The following CNTN6 variants were observed in gnomAD, a reference collection of about 807,000 sequenced individuals.
CNTN6 encodes the protein contactin-6.
In CNTN6, 137 loss-of-function variants were observed where a neutral mutation model predicts 122.8. The ratio of observed to expected loss-of-function variants is 1.12; its 90% CI spans 0.97 to 1.29. CNTN6 has a LOEUF of 1.29. Among genes scored for constraint, CNTN6 ranks in the 50% most tolerant of loss-of-function variants. CNTN6 has a pLI of 0.00. For missense variants in CNTN6, 1,634 were observed against 1,223.4 expected (o/e 1.34, Z -5.01); for synonymous variants, 570 against 426.0 (o/e 1.34, Z -4.16).
intron 1 of CNTN6, among the ~76,000 whole-genome samples, chr3:1,109,737 T>G (rs192226929): frequency 6.6e-6 from 1 of 152,184 alleles, no homozygotes; most frequent in East Asian, 1.9e-4. Flanking sequence ...TCTTCTGAGA[T>G]CCATCTGAAC....
At chr3:1,358,788 A>T (rs1423817029) in intron 12 of CNTN6, among the ~76,000 whole-genome samples, 1 of 152,004 alleles carries the variant, frequency 6.6e-6, no homozygotes, top group Non-Finnish European at 1.5e-5. Context: ...ACAAAACTAC[A>T]GGCTGGGTGT....
intron 12 of CNTN6, among the ~76,000 whole-genome samples, chr3:1,369,556 T>C (rs1002275185): frequency 2.0e-5 from 3 of 152,196 alleles, no homozygotes; most frequent in Non-Finnish European, 4.4e-5. Context: ...CTTTCATCAT[T>C]ATTACTGTAC....
rs191852161 is a variant in CNTN6, at chr3:1,195,612, G to C, written c.56-25075G>C. Among the ~76,000 whole-genome samples, 5 of 152,034 alleles carry C rather than the reference G, an allele frequency of 3.3e-5. No homozygotes were observed. In the East Asian group the frequency reaches 9.7e-4, roughly 29 times the overall value. On this transcript the variant is annotated intron_variant, in intron 2 of 22. Coordinates refer to ENST00000446702, the MANE Select transcript of CNTN6 (RefSeq NM_001289080.2). ...ATCTTTATAGTTAATTGACTTTTTA[G>C]TAAAGAGTAACTGATTAAACTCATA...
At chr3:1,317,255 A>T (rs1700221221) in intron 7 of CNTN6, among the ~76,000 whole-genome samples, 2 of 151,296 alleles carry the variant, frequency 1.3e-5, no homozygotes, top group Non-Finnish European at 2.9e-5. Flanking sequence ...TGCTGTGAGG[A>T]TTCTAAAATA....
At chr3:1,391,679 C>T (rs1442627977) in intron 20 of CNTN6, among the ~76,000 whole-genome samples, 1 of 150,888 alleles carries the variant, frequency 6.6e-6, no homozygotes, top group African/African-American at 2.5e-5. Flanking sequence ...CCAAAATCTC[C>T]TTAAGCTGAT....
chr3:1,231,592 C>T (rs2094353063), intron 4 of CNTN6, among the ~76,000 whole-genome samples: 2 of 152,168 alleles, frequency 1.3e-5, no homozygotes, highest in Admixed American at 1.3e-4. Context: ...TGAAATGTGG[C>T]CTGTATATAA....
At chr3:1,175,071 A>G (rs2093423322) in intron 2 of CNTN6, among the ~76,000 whole-genome samples, 1 of 151,868 alleles carries the variant, frequency 6.6e-6, no homozygotes. Flanking sequence ...CCCCATCTAC[A>G]AAAAACACAA....
At position 1,281,388 on chromosome 3, in the gene CNTN6, G is replaced by A. The variant is rs544396192; in HGVS notation, c.454+2880G>A. Among the ~76,000 whole-genome samples the A allele has an allele frequency of 2.6e-5, 4 of 151,880 alleles. No homozygotes were observed. The East Asian group carries it at 7.8e-4, about 29-fold the overall frequency. Reference sequence around the variant, plus strand: ...GGCCAAATTATTTTTTAAATCTCGTGTGTAAGTATTAAACAAAGCTTCTCA... The same window carrying A: ...GGCCAAATTATTTTTTAAATCTCGTATGTAAGTATTAAACAAAGCTTCTCA... On this transcript the variant is annotated intron_variant, in intron 5 of 22. Coordinates refer to ENST00000446702, the MANE Select transcript of CNTN6 (RefSeq NM_001289080.2).
Position 1,318,311 on chromosome 3 carries a change from C to T in CNTN6, c.762-3339C>T, listed in dbSNP as rs1376783247. Among the ~76,000 whole-genome samples, 4 of 105,722 alleles carry T rather than the reference C, an allele frequency of 3.8e-5. No homozygotes were observed. The East Asian group carries it at 1.7e-3, about 44-fold the overall frequency. 69.4% of individuals were successfully genotyped at this position (105,722 alleles called of 152,430 possible). Reference sequence around the variant, plus strand: ...TTCATGGTTTTTCACAATGGTTCTACTACTAATTTTTTTTTTTGTCTTATA... The same window carrying T: ...TTCATGGTTTTTCACAATGGTTCTATTACTAATTTTTTTTTTTGTCTTATA... On this transcript the variant is annotated intron_variant, in intron 7 of 22. Transcript: ENST00000446702.
At chr3:1,395,291 T>C (rs981811247) in intron 20 of CNTN6, among the ~76,000 whole-genome samples, 1 of 152,214 alleles carries the variant, frequency 6.6e-6, no homozygotes, top group African/African-American at 2.4e-5. Flanking sequence ...ACAATATAAG[T>C]TGCTTATCAC....
rs371359307 is a variant in CNTN6, at chr3:1,263,456, C to CGGCA, written c.359-14956_359-14953dup. 3.3e-5 allele frequency among the ~76,000 whole-genome samples: 5 copies of CGGCA among 152,204 alleles called. No homozygotes were observed. The East Asian group carries it at 9.7e-4, about 29-fold the overall frequency. On this transcript the variant is annotated intron_variant, in intron 4 of 22. Transcript: ENST00000446702. Reference sequence around the variant, plus strand: ...TGTGCAGACTAATGCTGACACAATGCGGCAATACACAAAGTGGTGGATATT... The same window carrying CGGCA: ...TGTGCAGACTAATGCTGACACAATGCGGCAGGCAATACACAAAGTGGTGGATATT...
chr3:1,288,496 A>G (rs1306916392), intron 5 of CNTN6, among the ~76,000 whole-genome samples: 1 of 152,194 alleles, frequency 6.6e-6, no homozygotes, highest in African/African-American at 2.4e-5. Flanking sequence ...ACCCTGGAGC[A>G]CTACACAAGG....
intron 12 of CNTN6, among the ~76,000 whole-genome samples, chr3:1,369,239 A>G (rs754855119): frequency 8.5e-5 from 13 of 152,166 alleles, no homozygotes; most frequent in Non-Finnish European, 1.6e-4. Flanking sequence ...TTTGCCAAAC[A>G]TTTCAAACAA....
chr3:1,274,511 A>G (rs1212013074), intron 4 of CNTN6, among the ~76,000 whole-genome samples: 1 of 152,216 alleles, frequency 6.6e-6, no homozygotes, highest in Non-Finnish European at 1.5e-5. Flanking sequence ...TATTAAAAGT[A>G]TAGAAAATAT....
chr3:1,304,214 T>C (rs1488641391), intron 7 of CNTN6, among the ~76,000 whole-genome samples: 1 of 152,204 alleles, frequency 6.6e-6, no homozygotes, highest in Non-Finnish European at 1.5e-5. Context: ...TACCAAAACC[T>C]TACTTCATTT....
intron 17 of CNTN6, among the ~76,000 whole-genome samples, chr3:1,380,633 A>C (rs1218517098): frequency 6.6e-6 from 1 of 152,148 alleles, no homozygotes; most frequent in Non-Finnish European, 1.5e-5. Context: ...AAAAATATTC[A>C]GTCTCGTGGG....
At chr3:1,169,754 G>A (rs982784010) in intron 2 of CNTN6, among the ~76,000 whole-genome samples, 1 of 152,170 alleles carries the variant, frequency 6.6e-6, no homozygotes, top group Admixed American at 6.5e-5. Context: ...TTCTCACTAT[G>A]CTAATCAGAT....
intron 11 of CNTN6, among the ~76,000 whole-genome samples, chr3:1,332,317 T>A (rs1702403152): frequency 6.6e-6 from 1 of 151,994 alleles, no homozygotes; most frequent in Non-Finnish European, 1.5e-5. Flanking sequence ...TCTGTTGCCA[T>A]CTGATCGACT....
chr3:1,276,953 A>T (rs3852025), intron 4 of CNTN6, among the ~76,000 whole-genome samples: 11 of 152,066 alleles, frequency 7.2e-5, no homozygotes, highest in African/African-American at 2.7e-4. Flanking sequence ...CAATTTGGCA[A>T]TTTAGGTGGG....
Sources: gnomAD v4.1 joint callset for allele counts (sites outside exome capture counted in the v4.1 genomes callset) on GRCh38, gnomAD v4.1.1 for gene constraint, MANE v1.5 for transcripts, NCBI Gene and HGNC (gene_info 2026-07-23, HGNC 2026-07-21) for gene names.